PRRG1: variants seen among roughly 807,000 people sequenced by gnomAD.
PRRG1 encodes the protein transmembrane gamma-carboxyglutamic acid protein 1.
A neutral mutation model predicts 11.8 loss-of-function variants in PRRG1; 5 were observed. That is an observed-to-expected ratio of 0.42 (90% CI 0.22 to 0.89). PRRG1 has a LOEUF of 0.89. Among genes scored for constraint, PRRG1 ranks in the 40% least tolerant of loss-of-function variants. The pLI, the probability that PRRG1 is intolerant of heterozygous loss-of-function variation, is 0.28. For synonymous variants in PRRG1, 66 were observed against 60.4 expected (o/e 1.09, Z -0.43); for missense variants, 155 against 166.1 (o/e 0.93, Z 0.37).
chrX:37,389,601 T>C (rs1410843125), intron 1 of PRRG1, among the ~76,000 whole-genome samples: 3 of 110,850 alleles, frequency 2.7e-5, no homozygotes, highest in Non-Finnish European at 5.7e-5. Flanking sequence ...AACAACCAGA[T>C]CTTGCAATAA....
At chrX:37,420,687 AG>A (rs1257183301) in intron 2 of PRRG1, among the ~76,000 whole-genome samples, 1,210 of 93,059 alleles carry the variant, frequency 0.013, 54 homozygotes, top group African/African-American at 0.059. Context: ...AAAAAAAAAA[AG>A]AAAAGAAAGA....
chrX:37,405,665 A>G (rs1776633222), intron 1 of PRRG1, among the ~76,000 whole-genome samples: 1 of 110,521 alleles, frequency 9.0e-6, no homozygotes, highest in African/African-American at 3.3e-5. Flanking sequence ...GTTTATGATC[A>G]TTGGTTCATA....
chrX:37,381,341 T>C (rs1028910111), intron 1 of PRRG1, among the ~76,000 whole-genome samples: 3 of 112,180 alleles, frequency 2.7e-5, no homozygotes, highest in African/African-American at 6.5e-5. Flanking sequence ...AGAAAGAAGT[T>C]ATAAGAAATT....
intron 1 of PRRG1, among the ~76,000 whole-genome samples, chrX:37,360,855 C>G (rs1930388040): frequency 8.9e-6 from 1 of 112,498 alleles, no homozygotes; most frequent in Non-Finnish European, 1.9e-5. Flanking sequence ...TTGCAAGTTG[C>G]TTTTTGAATC....
chrX:37,408,644 A>G (rs968073337), intron 2 of PRRG1, among the ~76,000 whole-genome samples: 4 of 111,838 alleles, frequency 3.6e-5, no homozygotes, highest in Non-Finnish European at 7.5e-5. Flanking sequence ...CTTTCCCGCT[A>G]GACAAGAAAC....
chrX:37,423,308 A>T (rs1363671707), intron 2 of PRRG1, among the ~76,000 whole-genome samples: 1 of 110,564 alleles, frequency 9.0e-6, no homozygotes. Context: ...TTAAATAGGA[A>T]AAAGGCTTAT....
At chrX:37,419,448 T>C (rs1932597701) in intron 2 of PRRG1, among the ~76,000 whole-genome samples, 1 of 112,158 alleles carries the variant, frequency 8.9e-6, no homozygotes, top group African/African-American at 3.2e-5. Flanking sequence ...TTCTGAAATT[T>C]TAAAATCTCA....
chrX:37,361,139 A>G (rs1930397782), intron 1 of PRRG1, among the ~76,000 whole-genome samples: 1 of 111,741 alleles, frequency 8.9e-6, no homozygotes, highest in Non-Finnish European at 1.9e-5. Context: ...TCAGGAGATC[A>G]AGACCATCCT....
At chrX:37,400,218 A>C (rs782681621) in intron 1 of PRRG1, among the ~76,000 whole-genome samples, 4,960 of 111,132 alleles carry the variant, frequency 0.045, 296 homozygotes, top group African/African-American at 0.15. Context: ...CCAAAATTGT[A>C]CACATAGTTG....
chrX:37,435,646 CAT>C (rs1932877147), intron 3 of PRRG1, among the ~76,000 whole-genome samples: 1 of 110,513 alleles, frequency 9.0e-6, no homozygotes, highest in South Asian at 3.9e-4. Flanking sequence ...CCAGTCTAAC[CAT>C]GAGAAACTTA....
intron 1 of PRRG1, among the ~76,000 whole-genome samples, chrX:37,370,982 A>G (rs1282471155): frequency 2.7e-5 from 3 of 111,381 alleles, no homozygotes; most frequent in Non-Finnish European, 5.7e-5. Flanking sequence ...CAGCGGCAGG[A>G]GGCAGACAGG....
In PRRG1 at chrX:37,453,392, G is replaced by T; in HGVS notation, c.428G>T (p.Gly143Val). The T allele has an allele frequency of 8.3e-7, 1 of 1,209,545 alleles. No individual in the cohort carries two copies. The highest frequency in any genetic ancestry group is 1.1e-6 in the Non-Finnish European group (1 of 894,628). The stretch of plus-strand genomic sequence containing the variant: ...CCAGATGAAGTGTTTGACAGCAGTG[G>T]ATTGTCTCCAGGCTTTCTGGGATAT... ...PPPDEVFDSSGLSPGFLGYVV... is the reference protein window; with the variant it reads ...PPPDEVFDSSVLSPGFLGYVV... Residue 143 changes from glycine (G) to valine (V), a missense_variant, in exon 4 of 4, where the codon GGA (glycine) becomes GTA (valine). Gly to Val is a moderately radical substitution (Grantham distance 109). Transcript: ENST00000378628.
chrX:37,406,243 A>G lies in PRRG1; in HGVS notation c.-7A>G, dbSNP rs1556381983. On this transcript the variant is annotated 5_prime_UTR_variant, in exon 2 of 4. Transcript: ENST00000378628. ...ATCCAGGGACGTGCCAGAAACCACA[A>G]GAAAACATGGGGAGGGGTAAGTTTC... The G allele has an allele frequency of 8.3e-7, 1 of 1,209,727 alleles. No individual in the cohort carries two copies. Among genetic ancestry groups the G allele is most frequent in the Admixed American group, 2.2e-5 (1 of 45,986 alleles).
At chrX:37,416,494 A>G (rs1932500566) in intron 2 of PRRG1, among the ~76,000 whole-genome samples, 1 of 112,031 alleles carries the variant, frequency 8.9e-6, no homozygotes, top group Non-Finnish European at 1.9e-5. Context: ...TAGGGTCCAT[A>G]AACTAGAAAG....
chrX:37,393,594 T>A (rs1931616013), intron 1 of PRRG1, among the ~76,000 whole-genome samples: 1 of 111,546 alleles, frequency 9.0e-6, no homozygotes, highest in South Asian at 3.7e-4. Context: ...CCTTGTATGA[T>A]TTGACTGTTT....
intron 1 of PRRG1, among the ~76,000 whole-genome samples, chrX:37,387,547 GA>G (rs1251099363): frequency 9.9e-5 from 11 of 111,500 alleles, no homozygotes; most frequent in Admixed American, 4.7e-4. Flanking sequence ...GGAAGAGAGA[GA>G]GGGGGGAGGT....
intron 2 of PRRG1, among the ~76,000 whole-genome samples, chrX:37,416,921 C>A (rs1177211352): frequency 9.0e-6 from 1 of 111,646 alleles, no homozygotes; most frequent in East Asian, 2.8e-4. Flanking sequence ...CCTTACAAAG[C>A]ATAAAATCAT....
chrX:37,429,387 G>T (rs1281100122), intron 3 of PRRG1, among the ~76,000 whole-genome samples: 3 of 111,614 alleles, frequency 2.7e-5, no homozygotes, highest in African/African-American at 9.8e-5. Context: ...TTGCTGCCTA[G>T]AAATTTCTCC....
chrX:37,452,884 T>C (rs1921196261), intron 3 of PRRG1, among the ~76,000 whole-genome samples: 1 of 112,340 alleles, frequency 8.9e-6, no homozygotes, highest in Non-Finnish European at 1.9e-5. Flanking sequence ...GCTGAAAATA[T>C]AAATAACTCC....
Sources: gnomAD v4.1 joint callset for allele counts (sites outside exome capture counted in the v4.1 genomes callset) on GRCh38, gnomAD v4.1.1 for gene constraint, MANE v1.5 for transcripts, NCBI Gene and HGNC (gene_info 2026-07-23, HGNC 2026-07-21) for gene names.